Variants in FCHO2 observed in about 807,000 individuals in gnomAD.
FCHO2 encodes F-BAR domain only protein 2.
Under a neutral mutation model 114.1 loss-of-function variants are expected in FCHO2, and 43 were observed. The ratio of observed to expected loss-of-function variants is 0.38; its 90% CI spans 0.30 to 0.49. FCHO2 has a LOEUF of 0.49. FCHO2 is among the 20% of genes least tolerant of loss of function. The pLI is 0.97. For missense variants in FCHO2, 807 were observed against 950.4 expected (o/e 0.85, Z 1.98); for synonymous variants, 293 against 315.2 (o/e 0.93, Z 0.75).
intron 5 of FCHO2, among the ~76,000 whole-genome samples, chr5:72,991,221 C>A (rs1753792598): frequency 6.6e-6 from 1 of 152,160 alleles, no homozygotes; most frequent in South Asian, 2.1e-4. Flanking sequence ...CATGACACCA[C>A]ATCCGGCTAA....
At chr5:72,971,518 C>A (rs1458281661) in intron 2 of FCHO2, among the ~76,000 whole-genome samples, 1 of 152,198 alleles carries the variant, frequency 6.6e-6, no homozygotes, top group African/African-American at 2.4e-5. Flanking sequence ...AGTATCTGTT[C>A]ATGTCCTTCG....
At chr5:73,009,746 A>C (rs1315225823) in intron 6 of FCHO2, among the ~76,000 whole-genome samples, 1 of 152,212 alleles carries the variant, frequency 6.6e-6, no homozygotes, top group Non-Finnish European at 1.5e-5. Context: ...CATGTTGCCC[A>C]GGGTGGTCTT....
At chr5:73,087,938 CT>C in intron 25 of FCHO2, 129 bp from the exon 26 acceptor site, 1 of 1,409,194 alleles carries the variant, frequency 7.1e-7, no homozygotes, top group Non-Finnish European at 9.9e-7. Flanking sequence ...AGCTGAACAC[CT>C]GTTATCTGAT....
At chr5:73,072,467 C>G (rs920806905) in intron 19 of FCHO2, among the ~76,000 whole-genome samples, 1 of 152,018 alleles carries the variant, frequency 6.6e-6, no homozygotes, top group African/African-American at 2.4e-5. Context: ...CTGTTCGTAG[C>G]AGCACTATTC....
At chr5:73,057,447 A>G (rs923725785) in intron 16 of FCHO2, among the ~76,000 whole-genome samples, 2 of 152,088 alleles carry the variant, frequency 1.3e-5, no homozygotes, top group African/African-American at 4.8e-5. Flanking sequence ...ATGTAGGTGC[A>G]TGTTGAGATG....
At chr5:73,052,110 A>C (rs954095945) in intron 12 of FCHO2, among the ~76,000 whole-genome samples, 3 of 151,846 alleles carry the variant, frequency 2.0e-5, no homozygotes, top group Non-Finnish European at 4.4e-5. Context: ...TTTTTAGTAG[A>C]GACAAAGTTT....
chr5:73,035,207 C>T (rs774482334), intron 9 of FCHO2, among the ~76,000 whole-genome samples: 67 of 151,974 alleles, frequency 4.4e-4, no homozygotes, highest in Non-Finnish European at 6.8e-4. Flanking sequence ...TACTTGAGTC[C>T]AGGAGTTCGA....
At chr5:73,011,480 A>C (rs1003765844) in intron 6 of FCHO2, among the ~76,000 whole-genome samples, 2 of 151,804 alleles carry the variant, frequency 1.3e-5, no homozygotes, top group Non-Finnish European at 2.9e-5. Context: ...TAACTTTTTA[A>C]ATCTTTTTCC....
intron 8 of FCHO2, 52 bp downstream of exon 8, chr5:73,017,360 C>CT (rs1755360980): frequency 1.7e-6 from 2 of 1,172,878 alleles, no homozygotes; most frequent in Non-Finnish European, 2.4e-6. Context: ...CATATAGTAA[C>CT]TAACATATTT....
At chr5:72,965,279 G>A (rs1348456494) in intron 1 of FCHO2, among the ~76,000 whole-genome samples, 1 of 152,032 alleles carries the variant, frequency 6.6e-6, no homozygotes, top group African/African-American at 2.4e-5. Flanking sequence ...CAAACTCCTG[G>A]TTTTTCAGTG....
chr5:73,013,872 G>A (rs998763803), intron 6 of FCHO2, among the ~76,000 whole-genome samples: 1 of 152,106 alleles, frequency 6.6e-6, no homozygotes, highest in Non-Finnish European at 1.5e-5. Flanking sequence ...TTTTAGTAGA[G>A]ACGGGGTTTC....
intron 8 of FCHO2, among the ~76,000 whole-genome samples, chr5:73,028,646 C>CTTTTTTTTTT (rs1177312773): frequency 2.7e-5 from 3 of 112,148 alleles, no homozygotes; most frequent in East Asian, 2.9e-4. Flanking sequence ...TTATATGATT[C>CTTTTTTTTTT]TTTTTTTTTT....
intron 5 of FCHO2, 35 bp downstream of exon 5, chr5:72,990,899 A>G (rs1009372638): frequency 6.6e-7 from 1 of 1,521,004 alleles, no homozygotes; most frequent in South Asian, 1.3e-5. Context: ...CTGTGGTTTC[A>G]AAGCACCTTG....
intron 19 of FCHO2, 135 bp from the exon 20 acceptor site, chr5:73,074,607 C>T: frequency 1.4e-6 from 1 of 732,660 alleles, no homozygotes; most frequent in Non-Finnish European, 2.3e-6. Flanking sequence ...TTCTTAGCCC[C>T]CAGATTTATC....
intron 1 of FCHO2, among the ~76,000 whole-genome samples, chr5:72,967,119 C>T (rs1235120137): frequency 6.6e-6 from 1 of 152,158 alleles, no homozygotes; most frequent in East Asian, 1.9e-4. Flanking sequence ...AACCCTGTCT[C>T]TTCTAAAAAT....
chr5:73,082,109 C>T lies in FCHO2; in HGVS notation c.2180+127C>T, dbSNP rs151001333. ...TTTGTGCCTTTTTCCATAGAAACCA[C>T]GCTGTAAAAGATGCAGTTCATTTTA... On this transcript the variant is annotated intron_variant, in intron 23 of 25. Coordinates refer to ENST00000430046, the MANE Select transcript of FCHO2 (RefSeq NM_138782.3). 194 of 723,616 alleles carry T rather than the reference C, an allele frequency of 2.7e-4. 1 individual carries two copies. Among genetic ancestry groups the T allele is most frequent in the African/African-American group, 2.4e-3 (133 of 55,628 alleles). 44.8% of individuals were successfully genotyped at this position (723,616 alleles called of 1,614,324 possible).
rs1202604434 is a variant in FCHO2, at chr5:72,966,369, T to TG, written c.34-2128dup. Among the ~76,000 whole-genome samples, 9 of 152,174 alleles carry TG rather than the reference T, an allele frequency of 5.9e-5. 1 individual carries two copies. Reference sequence around the variant, plus strand: ...GTTCTCACTTTGGCCAGGCTGGTCTTGAACACCTGGCATCAAGCAAGCCTC... The same window carrying TG: ...GTTCTCACTTTGGCCAGGCTGGTCTTGGAACACCTGGCATCAAGCAAGCCTC... On this transcript the variant is annotated intron_variant, in intron 1 of 25. Transcript: ENST00000430046.
chr5:72,956,271 T>G lies in FCHO2; in HGVS notation c.33+142T>G, dbSNP rs1341134838. ...CCTGCCGCGTCCCGCCTGGGTGAGG[T>G]CCGGCGGGCGACCGGTCGCCAGCCT... On this transcript the variant is annotated intron_variant, in intron 1 of 25. Coordinates refer to ENST00000430046, the MANE Select transcript of FCHO2 (RefSeq NM_138782.3). 3.3e-5 allele frequency: 38 copies of G among 1,157,974 alleles called. 1 individual carries two copies. Among genetic ancestry groups the G allele is most frequent in the Non-Finnish European group, 4.5e-5 (38 of 851,636 alleles). The allele number at this position is 1,157,974 out of a possible 1,614,324, so 71.7% of individuals were successfully genotyped here. A position where few individuals can be genotyped will look rare whatever the true frequency, so the allele number is the denominator to read the frequency against.
chr5:72,985,777 ATTTTG>A (rs1561423597), intron 2 of FCHO2, among the ~76,000 whole-genome samples: 1 of 151,928 alleles, frequency 6.6e-6, no homozygotes, highest in African/African-American at 2.4e-5. Context: ...TTCAAGATTT[ATTTTG>A]TTCTTTCTCT....
Sources: gnomAD v4.1 joint callset for allele counts (sites outside exome capture counted in the v4.1 genomes callset) on GRCh38, gnomAD v4.1.1 for gene constraint, MANE v1.5 for transcripts, NCBI Gene and HGNC (gene_info 2026-07-23, HGNC 2026-07-21) for gene names.